The following LRRTM4 variants were observed in gnomAD, a reference collection of about 807,000 sequenced individuals.
The protein encoded by LRRTM4 is leucine rich repeat transmembrane neuronal 4, also known as leucine-rich repeat transmembrane neuronal protein 4.
Under a neutral mutation model 47.6 loss-of-function variants are expected in LRRTM4, and 25 were observed. That is an observed-to-expected ratio of 0.53 (90% CI 0.38 to 0.73). The LOEUF is 0.73. Ranked by LOEUF, LRRTM4 falls within the 30% of genes least tolerant of loss-of-function variation. The pLI, the probability that LRRTM4 is intolerant of heterozygous loss-of-function variation, is 0.00. For missense variants in LRRTM4, 638 were observed against 713.4 expected (o/e 0.89, Z 1.20); for synonymous variants, 311 against 269.5 (o/e 1.15, Z -1.51).
chr2:77,106,686 C>A (rs141887793), intron 3 of LRRTM4, among the ~76,000 whole-genome samples: 1 of 151,880 alleles, frequency 6.6e-6, no homozygotes, highest in Admixed American at 6.6e-5. Context: ...AAAATGTTTT[C>A]TTATTTAGCA....
At chr2:76,893,095 C>T (rs905472087) in intron 3 of LRRTM4, among the ~76,000 whole-genome samples, 1 of 148,724 alleles carries the variant, frequency 6.7e-6, no homozygotes. Flanking sequence ...TTAAAGGAAA[C>T]CTGACCACGT....
chr2:77,075,740 C>T (rs1005236274), intron 3 of LRRTM4, among the ~76,000 whole-genome samples: 3 of 150,290 alleles, frequency 2.0e-5, no homozygotes, highest in Non-Finnish European at 4.4e-5. Flanking sequence ...AAGGTGAAAC[C>T]CCGTCTCTAC....
At chr2:77,409,042 G>T (rs775822905) in intron 3 of LRRTM4, among the ~76,000 whole-genome samples, 3 of 152,148 alleles carry the variant, frequency 2.0e-5, no homozygotes, top group Non-Finnish European at 4.4e-5. Context: ...GAAAGTGTGT[G>T]TGTGTCTTTT....
At chr2:77,485,685 AG>A (rs1166270876) in intron 3 of LRRTM4, among the ~76,000 whole-genome samples, 1 of 152,206 alleles carries the variant, frequency 6.6e-6, no homozygotes, top group Non-Finnish European at 1.5e-5. Context: ...ACAAAAGTGA[AG>A]ATTGGCAGCT....
intron 3 of LRRTM4, among the ~76,000 whole-genome samples, chr2:76,946,580 C>T (rs1675330633): frequency 6.6e-6 from 1 of 151,752 alleles, no homozygotes; most frequent in Non-Finnish European, 1.5e-5. Flanking sequence ...AGGTCATGCA[C>T]AATGGGCAAC....
chr2:76,807,747 A>G (rs1366415817), intron 3 of LRRTM4, among the ~76,000 whole-genome samples: 1 of 146,336 alleles, frequency 6.8e-6, no homozygotes, highest in Admixed American at 7.2e-5. Flanking sequence ...ATGTGCCTCC[A>G]CACCTGACTA....
At chr2:77,458,949 T>C (rs956400087) in intron 3 of LRRTM4, among the ~76,000 whole-genome samples, 2 of 152,002 alleles carry the variant, frequency 1.3e-5, no homozygotes, top group Admixed American at 6.6e-5. Context: ...TGTGAAATCA[T>C]GCCCTTTGTT....
intron 3 of LRRTM4, among the ~76,000 whole-genome samples, chr2:77,123,116 C>T (rs1177894575): frequency 3.3e-5 from 5 of 150,354 alleles, no homozygotes; most frequent in Non-Finnish European, 5.9e-5. Flanking sequence ...ATAGTGGGAA[C>T]CAATCATGAA....
chr2:77,298,013 G>A (rs778163146), intron 3 of LRRTM4, among the ~76,000 whole-genome samples: 3 of 152,144 alleles, frequency 2.0e-5, no homozygotes, highest in South Asian at 2.1e-4. Context: ...AAGCATGATG[G>A]ATGAGCATGT....
At chr2:77,040,207 G>A (rs1007053928) in intron 3 of LRRTM4, among the ~76,000 whole-genome samples, 5 of 150,954 alleles carry the variant, frequency 3.3e-5, no homozygotes, top group African/African-American at 1.2e-4. Flanking sequence ...AAATATAATT[G>A]TTCTTCCCTT....
At chr2:77,036,225 G>T (rs1678832165) in intron 3 of LRRTM4, among the ~76,000 whole-genome samples, 1 of 151,522 alleles carries the variant, frequency 6.6e-6, no homozygotes, top group South Asian at 2.1e-4. Context: ...TGTCATTATG[G>T]GAGAAGATAA....
intron 3 of LRRTM4, among the ~76,000 whole-genome samples, chr2:77,451,306 C>T (rs1039006830): frequency 3.9e-5 from 6 of 152,160 alleles, no homozygotes. Context: ...TAATTTCCCA[C>T]ATCACCTAAT....
chr2:77,376,470 C>T (rs908554045), intron 3 of LRRTM4, among the ~76,000 whole-genome samples: 1 of 150,392 alleles, frequency 6.6e-6, no homozygotes, highest in African/African-American at 2.4e-5. Flanking sequence ...ATCCTAGATA[C>T]CACATTACAT....
In LRRTM4 at chr2:77,470,112, C is replaced by G. The variant is rs555638044; in HGVS notation, c.1551+48206G>C. 2.8e-4 allele frequency among the ~76,000 whole-genome samples: 43 copies of G among 152,172 alleles called. No homozygotes were observed. In the South Asian group the frequency reaches 8.7e-3, roughly 31 times the overall value. On this transcript the variant is annotated intron_variant, in intron 3 of 3. Coordinates refer to ENST00000409884, the MANE Select transcript of LRRTM4 (RefSeq NM_001134745.3). Reference sequence around the variant, plus strand: ...ATAGTTTCTTAGGACTGATACCGACCAGCAGGGGCATATATTTGGGCTGTA... The same window carrying G: ...ATAGTTTCTTAGGACTGATACCGACGAGCAGGGGCATATATTTGGGCTGTA...
chr2:77,519,923 C>A lies in LRRTM4; in HGVS notation c.5-59G>T. 5 of 1,477,498 alleles carry A rather than the reference C, an allele frequency of 3.4e-6. No homozygotes were observed. The highest frequency in any genetic ancestry group is 1.4e-5 in the South Asian group (1 of 70,804). 91.5% of individuals were successfully genotyped at this position (1,477,498 alleles called of 1,614,324 possible). Reference sequence around the variant, plus strand: ...TGAAGCTATTAAAATAAATCACCGTCGGTTTACCAACAACAGGGGCATTTC... The same window carrying A: ...TGAAGCTATTAAAATAAATCACCGTAGGTTTACCAACAACAGGGGCATTTC... On this transcript the variant is annotated intron_variant, in intron 2 of 3. Coordinates refer to ENST00000409884, the MANE Select transcript of LRRTM4 (RefSeq NM_001134745.3). This position sits in a 1 kb window ranked among gnomAD's most constrained non-coding sequence, Gnocchi z 4.6.
intron 3 of LRRTM4, among the ~76,000 whole-genome samples, chr2:77,221,468 A>G (rs1284173783): frequency 1.3e-5 from 2 of 151,588 alleles, no homozygotes; most frequent in Admixed American, 1.3e-4. Context: ...CCCATCTCAC[A>G]TGCAGAGACA....
chr2:77,093,825 G>T (rs556837419), intron 3 of LRRTM4, among the ~76,000 whole-genome samples: 1 of 151,696 alleles, frequency 6.6e-6, no homozygotes, highest in Non-Finnish European at 1.5e-5. Context: ...GTAAATGGCC[G>T]GTCCTTGCCT....
At chr2:76,980,032 C>G (rs1006561467) in intron 3 of LRRTM4, among the ~76,000 whole-genome samples, 13 of 152,074 alleles carry the variant, frequency 8.5e-5, no homozygotes, top group African/African-American at 3.1e-4. Flanking sequence ...TTCAGCCAAT[C>G]CTACCCTTCT....
chr2:77,365,269 C>T (rs1256065704), intron 3 of LRRTM4, among the ~76,000 whole-genome samples: 1 of 151,948 alleles, frequency 6.6e-6, no homozygotes, highest in Middle Eastern at 3.2e-3. Context: ...GTTTCATCAC[C>T]TAGTTATGTT....
Sources: gnomAD v4.1 joint callset for allele counts (sites outside exome capture counted in the v4.1 genomes callset) on GRCh38, gnomAD v4.1.1 for gene constraint, Gnocchi (gnomAD v3.1) non-coding constraint, MANE v1.5 for transcripts, NCBI Gene and HGNC (gene_info 2026-07-23, HGNC 2026-07-21) for gene names.